NGEF: variants seen among roughly 807,000 people sequenced by gnomAD.
NGEF encodes neuronal guanine nucleotide exchange factor, also known as ephexin-1.
Under a neutral mutation model 80.9 loss-of-function variants are expected in NGEF, and 31 were observed. The observed-to-expected ratio is 0.38, with a 90% confidence interval of 0.29 to 0.52. The LOEUF is 0.52. NGEF is among the 20% of genes least tolerant of loss of function. The pLI is 0.84. For synonymous variants in NGEF, 371 were observed against 370.2 expected (o/e 1.00, Z -0.03); for missense variants, 709 against 926.2 (o/e 0.77, Z 3.04).
intron 1 of NGEF, among the ~76,000 whole-genome samples, chr2:233,007,034 A>G (rs1695098545): frequency 6.6e-6 from 1 of 152,216 alleles, no homozygotes; most frequent in South Asian, 2.1e-4. Context: ...ACTTGAGTCC[A>G]GGAGTTCGAG....
chr2:233,013,188 C>A lies in NGEF; in HGVS notation c.-195G>T, dbSNP rs1420736080. The A allele has an allele frequency of 2.1e-6, 1 of 471,152 alleles. No individual in the cohort carries two copies. Among genetic ancestry groups the A allele is most frequent in the South Asian group, 1.5e-5 (1 of 64,572 alleles). 29.2% of individuals were successfully genotyped at this position (471,152 alleles called of 1,614,324 possible). On this transcript the variant is annotated 5_prime_UTR_variant, in exon 1 of 15. Transcript: ENST00000264051. ...TCCCCGGCTAAATCCACAGGCGCTC[C>A]ACTCTGTCCCAGAGAGCCCACAGCC...
intron 3 of NGEF, among the ~76,000 whole-genome samples, chr2:232,934,866 G>T (rs1459320579): frequency 6.6e-6 from 1 of 151,978 alleles, no homozygotes; most frequent in African/African-American, 2.4e-5. Context: ...AAATTAGCCA[G>T]GCATGGTAGC....
intron 1 of NGEF, among the ~76,000 whole-genome samples, chr2:233,008,007 ATGTTTTTC>A (rs1275220886): frequency 2.0e-5 from 3 of 152,224 alleles, no homozygotes; most frequent in Non-Finnish European, 4.4e-5. Context: ...CCACCAAGGA[ATGTTTTTC>A]TCACTCAGAT....
intron 4 of NGEF, among the ~76,000 whole-genome samples, chr2:232,925,802 G>A (rs1223383642): frequency 6.6e-6 from 1 of 152,134 alleles, no homozygotes; most frequent in Non-Finnish European, 1.5e-5. Context: ...TTTAAAATAA[G>A]GATTTTCTAT....
intron 3 of NGEF, among the ~76,000 whole-genome samples, chr2:232,951,396 C>T (rs1002765357): frequency 6.6e-6 from 1 of 152,188 alleles, no homozygotes. Context: ...TAGCTGTCTC[C>T]CCAGTCCAAG....
At chr2:232,989,092 T>C (rs755526835) in intron 1 of NGEF, among the ~76,000 whole-genome samples, 4 of 152,062 alleles carry the variant, frequency 2.6e-5, no homozygotes, top group Non-Finnish European at 5.9e-5. Flanking sequence ...GCCTGGATAG[T>C]TGGGGAGTAG....
At chr2:232,951,626 G>A (rs928191718) in intron 3 of NGEF, among the ~76,000 whole-genome samples, 1 of 152,302 alleles carries the variant, frequency 6.6e-6, no homozygotes. Flanking sequence ...GGGAATCAGA[G>A]ATGTTTCACA....
At chr2:232,894,147 A>T (rs1446908851) in intron 6 of NGEF, among the ~76,000 whole-genome samples, 2 of 152,116 alleles carry the variant, frequency 1.3e-5, no homozygotes, top group Admixed American at 1.3e-4. Context: ...TCCTGGCCAC[A>T]TGATTTGGTT....
intron 3 of NGEF, among the ~76,000 whole-genome samples, chr2:232,963,891 A>G (rs1389027383): frequency 6.6e-6 from 1 of 152,220 alleles, no homozygotes; most frequent in Non-Finnish European, 1.5e-5. Flanking sequence ...TGTGTTCAAG[A>G]TATATAGAGA....
intron 3 of NGEF, chr2:232,927,962 G>A (rs1433288715): frequency 2.3e-6 from 3 of 1,309,876 alleles, no homozygotes; most frequent in Non-Finnish European, 1.9e-6. Flanking sequence ...GTGGTCCACG[G>A]CGCAGGCGGC....
At chr2:232,942,904 C>CT (rs60735452) in intron 3 of NGEF, among the ~76,000 whole-genome samples, 3,586 of 117,828 alleles carry the variant, frequency 0.03, 89 homozygotes, top group Admixed American at 0.057. Flanking sequence ...AGTGAAATTT[C>CT]TTTTTTTTTT....
chr2:233,006,133 C>CA (rs1695079682), intron 1 of NGEF, among the ~76,000 whole-genome samples: 1 of 152,170 alleles, frequency 6.6e-6, no homozygotes, highest in African/African-American at 2.4e-5. Flanking sequence ...TTTTAAGCCA[C>CA]AGTTTGTGGT....
chr2:232,894,740 T>TC lies in NGEF; in HGVS notation c.989+15dup, dbSNP rs750822496. On this transcript the variant is annotated intron_variant, in intron 6 of 14. Transcript: ENST00000264051. Reference sequence around the variant, plus strand: ...AGAAGGGCCCTGAGGGAGGTGGCTGTCCCCCCCGTCCTCACCGCTCACTGA... The same window carrying TC: ...AGAAGGGCCCTGAGGGAGGTGGCTGTCCCCCCCCGTCCTCACCGCTCACTGA... 435 of 1,537,884 alleles carry TC rather than the reference T, an allele frequency of 2.8e-4. No homozygotes were observed. The highest frequency in any genetic ancestry group is 3.5e-4 in the Non-Finnish European group (395 of 1,126,090).
chr2:232,963,768 G>A lies in NGEF; in HGVS notation c.383+6446C>T, dbSNP rs768719391. ...GGCAAGGTTGCAGTGAGCCAAGATC[G>A]TGCCACTGCACTCCAGCCTGGGTGA... On this transcript the variant is annotated intron_variant, in intron 3 of 14. Transcript: ENST00000264051. 7.6e-4 allele frequency among the ~76,000 whole-genome samples: 116 copies of A among 152,096 alleles called. 3 individuals are homozygous for A. Among genetic ancestry groups the A allele is most frequent in the South Asian group, 4.2e-4 (2 of 4,814 alleles).
chr2:232,942,875 G>A (rs58660411), intron 3 of NGEF, among the ~76,000 whole-genome samples: 25,379 of 144,616 alleles, frequency 0.18, 2,561 homozygotes, highest in Non-Finnish European at 0.22. Context: ...CCGGGGGGGA[G>A]TCAGTTTACC....
intron 1 of NGEF, among the ~76,000 whole-genome samples, chr2:232,996,997 A>G (rs1159706731): frequency 6.6e-6 from 1 of 152,138 alleles, no homozygotes. Context: ...TCTGACTTCT[A>G]ACAGTTTATG....
chr2:232,998,238 G>A (rs909652706), intron 1 of NGEF, among the ~76,000 whole-genome samples: 1 of 152,192 alleles, frequency 6.6e-6, no homozygotes, highest in African/African-American at 2.4e-5. Flanking sequence ...GGTGGGAGTA[G>A]GGTGGCTACT....
At chr2:232,903,717 G>A (rs538692674) in intron 5 of NGEF, among the ~76,000 whole-genome samples, 24 of 152,268 alleles carry the variant, frequency 1.6e-4, no homozygotes, top group Non-Finnish European at 2.9e-4. Context: ...AAAACTCCCT[G>A]CCGTCTCCCA....
At chr2:232,983,648 C>A (rs1038014514) in intron 1 of NGEF, among the ~76,000 whole-genome samples, 4 of 152,064 alleles carry the variant, frequency 2.6e-5, no homozygotes, top group African/African-American at 9.7e-5. Context: ...GCGGGGGAAG[C>A]CAGTCTGAGC....
Sources: allele counts gnomAD v4.1 joint callset (sites outside exome capture counted in the v4.1 genomes callset), GRCh38; gene constraint gnomAD v4.1.1; transcripts MANE v1.5; gene names NCBI Gene and HGNC (gene_info 2026-07-23, HGNC 2026-07-21).